Variants in FAM53B observed in about 807,000 individuals in gnomAD.
The protein encoded by FAM53B is protein FAM53B.
Under a neutral mutation model 32.7 loss-of-function variants are expected in FAM53B, and 12 were observed. The ratio of observed to expected loss-of-function variants is 0.37; its 90% CI spans 0.24 to 0.59. FAM53B has a LOEUF of 0.59. FAM53B is among the 20% of genes least tolerant of loss of function. The pLI, the probability that FAM53B is intolerant of heterozygous loss-of-function variation, is 0.72. For missense variants in FAM53B, 477 were observed against 577.7 expected, an observed-to-expected ratio of 0.83 and a Z score of 1.79; for synonymous variants, 234 against 228.7, an observed-to-expected ratio of 1.02 and a Z score of -0.21.
chr10:124,662,830 G>A (rs1459127961), intron 4 of FAM53B, among the ~76,000 whole-genome samples: 6 of 152,088 alleles, frequency 3.9e-5, no homozygotes, highest in African/African-American at 1.4e-4. Flanking sequence ...TCAATCAATC[G>A]ATTTTTGGGA....
At chr10:124,677,413 A>G (rs1234077065) in intron 4 of FAM53B, among the ~76,000 whole-genome samples, 1 of 152,246 alleles carries the variant, frequency 6.6e-6, no homozygotes, top group Non-Finnish European at 1.5e-5. Flanking sequence ...TAAGGAGGAA[A>G]GCTGTGCAGG....
intron 4 of FAM53B, among the ~76,000 whole-genome samples, chr10:124,641,002 C>T (rs555673478): frequency 1.3e-5 from 2 of 152,214 alleles, no homozygotes; most frequent in East Asian, 3.8e-4. Flanking sequence ...GGAGCATACC[C>T]CGCCTAGGTG....
rs1949776997 is a variant in FAM53B, at chr10:124,682,107, T to C, written c.406A>G (p.Lys136Glu). 1.9e-6 allele frequency: 3 copies of C among 1,613,780 alleles called. No homozygotes were observed. ...CTCTTTTCCACGGGAGTCCAGACTT[T>C]GGAGCCCAAGGGCCTCCATGATGTC... ...CRTSWRPLGS[K>E]VWTPVEKRRC... is the part of the protein sequence containing the mutation. The change falls in exon 4 of 5, where the codon AAA becomes GAA. Residue 136 changes from lysine (K) to glutamate (E), a missense_variant. Physicochemically the swap from Lys to Glu is moderately conservative, Grantham distance 56. This residue lies in a region of FAM53B where 312 missense variants were observed against 420.2 expected (regional missense o/e 0.74). Transcript: ENST00000337318. This position sits in a 1 kb window ranked among gnomAD's most constrained non-coding sequence, Gnocchi z 5.2.
At chr10:124,652,382 G>A (rs7085146) in intron 4 of FAM53B, among the ~76,000 whole-genome samples, 7,869 of 152,216 alleles carry the variant, frequency 0.052, 671 homozygotes, top group African/African-American at 0.18. Flanking sequence ...GGGCAACACC[G>A]GGATGGGCTG....
chr10:124,630,295 T>C (rs1342709980), intron 4 of FAM53B, among the ~76,000 whole-genome samples: 1 of 152,062 alleles, frequency 6.6e-6, no homozygotes, highest in African/African-American at 2.4e-5. Context: ...ATGCCTGTGG[T>C]CCCCGCTACT....
At chr10:124,717,777 G>A (rs1426244354) in intron 1 of FAM53B, among the ~76,000 whole-genome samples, 2 of 152,182 alleles carry the variant, frequency 1.3e-5, no homozygotes, top group Non-Finnish European at 1.5e-5. Flanking sequence ...CTGATTTAGA[G>A]GAGTTTCTTG....
At chr10:124,722,266 T>C (rs1273996451) in intron 1 of FAM53B, among the ~76,000 whole-genome samples, 1 of 152,202 alleles carries the variant, frequency 6.6e-6, no homozygotes, top group African/African-American at 2.4e-5. Flanking sequence ...TCATACATTA[T>C]ATGTGTTGCA....
At chr10:124,687,168 A>G (rs1564877992) in intron 3 of FAM53B, among the ~76,000 whole-genome samples, 2 of 152,204 alleles carry the variant, frequency 1.3e-5, no homozygotes, top group Admixed American at 6.5e-5. Flanking sequence ...ATCACCAGAC[A>G]AAAGAAACAG....
At chr10:124,712,986 C>A (rs1237452992) in intron 1 of FAM53B, among the ~76,000 whole-genome samples, 1 of 152,222 alleles carries the variant, frequency 6.6e-6, no homozygotes, top group Non-Finnish European at 1.5e-5. Context: ...CAGCATTGTG[C>A]CCAAAGCAAG....
At chr10:124,677,552 T>C (rs1335471750) in intron 4 of FAM53B, among the ~76,000 whole-genome samples, 1 of 152,248 alleles carries the variant, frequency 6.6e-6, no homozygotes, top group African/African-American at 2.4e-5. Context: ...ACTGCTGGAC[T>C]AGGTCCTTGC....
At chr10:124,673,846 A>G (rs1949721398) in intron 4 of FAM53B, among the ~76,000 whole-genome samples, 1 of 152,214 alleles carries the variant, frequency 6.6e-6, no homozygotes, top group African/African-American at 2.4e-5. Flanking sequence ...GACAACGTCT[A>G]GGAACCTGCA....
intron 4 of FAM53B, among the ~76,000 whole-genome samples, chr10:124,659,153 A>G (rs547611036): frequency 6.6e-6 from 1 of 152,342 alleles, no homozygotes; most frequent in East Asian, 1.9e-4. Flanking sequence ...GTACACTGAC[A>G]GGACTTGCAG....
At chr10:124,675,847 C>T (rs1333069409) in intron 4 of FAM53B, among the ~76,000 whole-genome samples, 1 of 152,250 alleles carries the variant, frequency 6.6e-6, no homozygotes, top group African/African-American at 2.4e-5. Context: ...GGCCCCAACT[C>T]TTCCTGTACT....
At chr10:124,700,868 C>T (rs1354045209) in intron 2 of FAM53B, among the ~76,000 whole-genome samples, 1 of 152,198 alleles carries the variant, frequency 6.6e-6, no homozygotes, top group East Asian at 1.9e-4. Flanking sequence ...TCATGCCCTG[C>T]GGGGGAACGA....
chr10:124,724,225 G>A (rs950516752), intron 1 of FAM53B, among the ~76,000 whole-genome samples: 7 of 152,202 alleles, frequency 4.6e-5, no homozygotes, highest in Non-Finnish European at 7.4e-5. Flanking sequence ...CAGAGATGGG[G>A]TGAGGGTATT....
chr10:124,706,937 G>A, intron 1 of FAM53B, 50 bp from the exon 2 acceptor site: 1 of 1,398,712 alleles, frequency 7.1e-7, no homozygotes. Flanking sequence ...GAAAGACGAG[G>A]GCCCTGAGAG....
In FAM53B at chr10:124,619,883, G is replaced by A. The variant is rs1015910263; in HGVS notation, c.*3359C>T. ...CCACAGACGGCACGTCAGTGGAAAC[G>A]GGGGTGCAGCAGGCATGACACCAAG... On this transcript the variant is annotated 3_prime_UTR_variant, in exon 5 of 5. Coordinates refer to ENST00000337318, the MANE Select transcript of FAM53B (RefSeq NM_014661.4). 1.3e-5 allele frequency: 2 copies of A among 152,462 alleles called. No homozygotes were observed. Among genetic ancestry groups the A allele is most frequent in the South Asian group, 2.1e-4 (1 of 4,834 alleles). The allele number at this position is 152,462 out of a possible 1,614,324, so 9.4% of individuals were successfully genotyped here. A position where few individuals can be genotyped will look rare whatever the true frequency, so the allele number is the denominator to read the frequency against.
chr10:124,642,596 G>C (rs1369368509), intron 4 of FAM53B, among the ~76,000 whole-genome samples: 2 of 152,212 alleles, frequency 1.3e-5, no homozygotes, highest in African/African-American at 4.8e-5. Context: ...CGGCAGCAAT[G>C]TCCCTGAGTG....
chr10:124,656,375 C>G (rs557419766), intron 4 of FAM53B, among the ~76,000 whole-genome samples: 84 of 152,364 alleles, frequency 5.5e-4, no homozygotes, highest in East Asian at 9.6e-4. Flanking sequence ...TGTTCCCCGA[C>G]GCCATGGCCC....
Sources: gnomAD v4.1 joint callset for allele counts (sites outside exome capture counted in the v4.1 genomes callset) on GRCh38, gnomAD v4.1.1 for gene constraint, gnomAD v4.1.1 regional missense constraint, Gnocchi (gnomAD v3.1) non-coding constraint, MANE v1.5 for transcripts, NCBI Gene and HGNC (gene_info 2026-07-23, HGNC 2026-07-21) for gene names.